Variants in PPP1R12A observed in about 807,000 individuals in gnomAD.
The protein encoded by PPP1R12A is protein phosphatase 1 regulatory subunit 12A, also known as myosin binding subunit.
In PPP1R12A, 19 loss-of-function variants were observed where a neutral mutation model predicts 139.6. The observed-to-expected ratio is 0.14, with a 90% CI of 0.09 to 0.20. PPP1R12A has a LOEUF of 0.20. PPP1R12A is among the 10% of genes least tolerant of loss of function. The pLI, the probability that PPP1R12A is intolerant of heterozygous loss-of-function variation, is 1.00. For synonymous variants in PPP1R12A, 427 were observed against 420.6 expected (o/e 1.02, Z -0.19); for missense variants, 925 against 1,211.5 (o/e 0.76, Z 3.51).
chr12:79,796,738 T>C lies in PPP1R12A; in HGVS notation c.2461+44A>G, dbSNP rs779839296. On this transcript the variant is annotated intron_variant, in intron 17 of 24. Transcript: ENST00000450142. ...ATTTAGGAAACCCTAATCCAAAGGA[T>C]TATATGAAGAAAGCAAAGTGTTTTC... 5 of 1,473,412 alleles carry C rather than the reference T, an allele frequency of 3.4e-6. No homozygotes were observed. The Admixed American group carries it at 9.6e-5, about 28-fold the overall frequency. The allele number at this position is 1,473,412 out of a possible 1,614,324, so 91.3% of individuals were successfully genotyped here. A position where few individuals can be genotyped will look rare whatever the true frequency, so the allele number is the denominator to read the frequency against.
chr12:79,885,501 G>T (rs1475931399), intron 1 of PPP1R12A, among the ~76,000 whole-genome samples: 1 of 151,942 alleles, frequency 6.6e-6, no homozygotes, highest in Admixed American at 6.6e-5. Flanking sequence ...GCCACTTTTG[G>T]TGGCAGGTGG....
intron 20 of PPP1R12A, among the ~76,000 whole-genome samples, chr12:79,790,084 T>C (rs974172999): frequency 6.6e-6 from 1 of 152,044 alleles, no homozygotes; most frequent in Non-Finnish European, 1.5e-5. Flanking sequence ...GATGACACTT[T>C]TTTAAAAGTG....
intron 1 of PPP1R12A, among the ~76,000 whole-genome samples, chr12:79,880,172 A>C (rs1054676342): frequency 4.6e-5 from 7 of 152,222 alleles, no homozygotes; most frequent in African/African-American, 1.7e-4. Context: ...TAGTCCATAA[A>C]TAACAATGAT....
At chr12:79,895,965 T>C (rs1885091776) in intron 1 of PPP1R12A, among the ~76,000 whole-genome samples, 1 of 151,524 alleles carries the variant, frequency 6.6e-6, no homozygotes, top group Admixed American at 6.6e-5. Context: ...ACCTGATCTA[T>C]GTCATTAAGG....
intron 15 of PPP1R12A, among the ~76,000 whole-genome samples, chr12:79,798,012 C>T (rs569499514): frequency 3.5e-4 from 54 of 152,170 alleles, no homozygotes; most frequent in Middle Eastern, 3.4e-3. Context: ...GTAAGGAGAT[C>T]GCCAGCCTGA....
At chr12:79,827,880 A>G (rs999534240) in intron 5 of PPP1R12A, among the ~76,000 whole-genome samples, 1 of 152,142 alleles carries the variant, frequency 6.6e-6, no homozygotes, top group Non-Finnish European at 1.5e-5. Flanking sequence ...CTCATTATTC[A>G]TGTCACTTAA....
At chr12:79,778,669 G>A in intron 23 of PPP1R12A, 69 bp from the exon 24 acceptor site, 1 of 1,028,320 alleles carries the variant, frequency 9.7e-7, no homozygotes. Flanking sequence ...TCTATACTGT[G>A]AAATAGTGAT....
intron 13 of PPP1R12A, 100 bp from the exon 14 acceptor site, chr12:79,805,868 AT>A: frequency 1.6e-6 from 2 of 1,287,640 alleles, no homozygotes; most frequent in Non-Finnish European, 2.1e-6. Flanking sequence ...ACAGGGATGG[AT>A]TTTTTTAAAA....
chr12:79,828,215 T>C, intron 5 of PPP1R12A, 105 bp downstream of exon 5: 1 of 925,390 alleles, frequency 1.1e-6, no homozygotes, highest in Non-Finnish European at 1.5e-6. Flanking sequence ...AAAATATAAT[T>C]ATATAATGTA....
At chr12:79,880,762 T>TGC (rs1460977308) in intron 1 of PPP1R12A, among the ~76,000 whole-genome samples, 4 of 151,730 alleles carry the variant, frequency 2.6e-5, no homozygotes, top group Non-Finnish European at 5.9e-5. Context: ...AGTTTTACTG[T>TGC]GCCTCATGGA....
chr12:79,820,789 A>T lies in PPP1R12A; in HGVS notation c.1099T>A (p.Ser367Thr). The T allele has an allele frequency of 6.2e-7, 1 of 1,612,480 alleles. No homozygotes were observed. Among genetic ancestry groups the T allele is most frequent in the Non-Finnish European group, 8.5e-7 (1 of 1,179,500 alleles). Residue 367 changes from serine to threonine, a missense_variant, in exon 8 of 25, where the codon TCA becomes ACA. By Grantham distance (58) the Ser-to-Thr change is moderately conservative. This residue lies in a region of PPP1R12A where 403 missense variants were observed against 463.7 expected (regional missense o/e 0.87). Transcript: ENST00000450142. ...SEEDEEDDSESEAETDKTKPL... is the reference protein window; with the variant it reads ...SEEDEEDDSETEAETDKTKPL... ...TTAATTTTACCTGTTTCAGCTTCTGATTCCGAGTCATCTTCCTCATCTTCT... is the reference window on the plus strand; with the variant it reads ...TTAATTTTACCTGTTTCAGCTTCTGTTTCCGAGTCATCTTCCTCATCTTCT...
chr12:79,899,496 T>C (rs1398190856), intron 1 of PPP1R12A, among the ~76,000 whole-genome samples: 1 of 152,118 alleles, frequency 6.6e-6, no homozygotes, highest in Non-Finnish European at 1.5e-5. Flanking sequence ...CGTATCTTTA[T>C]TTTGTGAAAG....
intron 1 of PPP1R12A, among the ~76,000 whole-genome samples, chr12:79,925,476 T>A (rs556539535): frequency 1.3e-5 from 2 of 152,278 alleles, no homozygotes; most frequent in Non-Finnish European, 2.9e-5. Flanking sequence ...CAAATGTGAG[T>A]TAAATCATCA....
chr12:79,830,846 T>C (rs1237144039), intron 4 of PPP1R12A, among the ~76,000 whole-genome samples: 14 of 152,138 alleles, frequency 9.2e-5, no homozygotes, highest in Admixed American at 9.2e-4. Flanking sequence ...CTTCAATAGA[T>C]ATATGTAACT....
chr12:79,912,748 C>T (rs918711346), intron 1 of PPP1R12A, among the ~76,000 whole-genome samples: 2 of 150,832 alleles, frequency 1.3e-5, no homozygotes, highest in African/African-American at 4.9e-5. Context: ...ATATAATTAT[C>T]ACCTAATCAT....
At chr12:79,811,812 T>C (rs1318229668) in intron 9 of PPP1R12A, among the ~76,000 whole-genome samples, 1 of 152,174 alleles carries the variant, frequency 6.6e-6, no homozygotes, top group Non-Finnish European at 1.5e-5. Flanking sequence ...CAGCCATAGT[T>C]TGCCAACACC....
At chr12:79,926,899 A>T (rs987203650) in intron 1 of PPP1R12A, among the ~76,000 whole-genome samples, 17 of 152,068 alleles carry the variant, frequency 1.1e-4, no homozygotes, top group Admixed American at 9.2e-4. Flanking sequence ...GTAAATGATT[A>T]AAAAAAACTA....
rs561840577 is a variant in PPP1R12A at position 79,794,372 on chromosome 12, A to G, written c.2584-444T>C. On this transcript the variant is annotated intron_variant, in intron 18 of 24. Transcript: ENST00000450142. ...ACAGCATGGACAATGCGAAGATACT[A>G]AAACTCTTCAACTCCATTTAATACT... is the stretch of plus-strand genomic sequence containing the variant. Among the ~76,000 whole-genome samples the G allele has an allele frequency of 6.6e-5, 10 of 152,212 alleles. No individual in the cohort carries two copies. The South Asian group carries it at 2.1e-3, about 32-fold the overall frequency.
At chr12:79,813,892 A>G (rs1874915881) in intron 9 of PPP1R12A, among the ~76,000 whole-genome samples, 1 of 152,192 alleles carries the variant, frequency 6.6e-6, no homozygotes, top group Non-Finnish European at 1.5e-5. Flanking sequence ...CATGAACACA[A>G]GTGCACACAT....
Sources: allele counts gnomAD v4.1 joint callset (sites outside exome capture counted in the v4.1 genomes callset), GRCh38; gene constraint gnomAD v4.1.1; regional missense constraint gnomAD v4.1.1; transcripts MANE v1.5; gene names NCBI Gene and HGNC (gene_info 2026-07-23, HGNC 2026-07-21).